Variants in RXRA observed in about 807,000 individuals in gnomAD.
The protein encoded by RXRA is retinoic acid receptor RXR-alpha.
Under a neutral mutation model 44.5 loss-of-function variants are expected in RXRA, and 5 were observed. The ratio of observed to expected loss-of-function variants is 0.11; its 90% CI spans 0.06 to 0.24. RXRA has a LOEUF of 0.24. Among genes scored for constraint, RXRA ranks in the 10% least tolerant of loss-of-function variants. RXRA has a pLI of 1.00. For synonymous variants in RXRA, 291 were observed against 271.4 expected (o/e 1.07, Z -0.71); for missense variants, 412 against 646.5 (o/e 0.64, Z 3.93).
At chr9:134,413,779 G>A (rs1021853804) in intron 4 of RXRA, among the ~76,000 whole-genome samples, 1 of 152,158 alleles carries the variant, frequency 6.6e-6, no homozygotes, top group African/African-American at 2.4e-5. Context: ...GCTTCTGAGG[G>A]GCTGCTGCAC....
intron 1 of RXRA, among the ~76,000 whole-genome samples, chr9:134,362,271 C>G (rs1830361448): frequency 1.3e-5 from 2 of 152,290 alleles, no homozygotes; most frequent in African/African-American, 4.8e-5. Context: ...TCCCAGCAAG[C>G]CTTGACCCTG....
intron 1 of RXRA, among the ~76,000 whole-genome samples, chr9:134,351,982 G>A (rs1202084951): frequency 3.9e-5 from 6 of 152,212 alleles, no homozygotes; most frequent in Non-Finnish European, 8.8e-5. Context: ...CCTGGGGGCT[G>A]AGGTTGAGAG....
chr9:134,344,015 G>A (rs1554748415), intron 1 of RXRA, among the ~76,000 whole-genome samples: 2 of 151,954 alleles, frequency 1.3e-5, no homozygotes, highest in Non-Finnish European at 2.9e-5. Context: ...CCCGGGGGCC[G>A]TGCCCTATGT....
At chr9:134,354,190 T>G (rs552712924) in intron 1 of RXRA, among the ~76,000 whole-genome samples, 2 of 152,082 alleles carry the variant, frequency 1.3e-5, no homozygotes, top group East Asian at 3.9e-4. Flanking sequence ...GGTGGATTGG[T>G]GATGTCTGCA....
At chr9:134,362,254 G>A (rs548914446) in intron 1 of RXRA, among the ~76,000 whole-genome samples, 82 of 152,268 alleles carry the variant, frequency 5.4e-4, no homozygotes, top group Middle Eastern at 3.4e-3. Flanking sequence ...TGTGCCCCTG[G>A]GGTAGCTCCC....
intron 1 of RXRA, among the ~76,000 whole-genome samples, chr9:134,335,380 G>A (rs1353736280): frequency 6.6e-6 from 1 of 152,232 alleles, no homozygotes. Context: ...GTAGGAGTTT[G>A]TTGGGTGGGA....
chr9:134,400,995 G>A (rs758624212), intron 1 of RXRA, among the ~76,000 whole-genome samples: 1 of 152,194 alleles, frequency 6.6e-6, no homozygotes, highest in Non-Finnish European at 1.5e-5. Flanking sequence ...GCTGGTTAGG[G>A]CCACAGACAT....
At chr9:134,363,706 G>A (rs955561760) in intron 1 of RXRA, among the ~76,000 whole-genome samples, 2 of 152,186 alleles carry the variant, frequency 1.3e-5, no homozygotes, top group Non-Finnish European at 2.9e-5. Context: ...AGCACTGCCT[G>A]TGCTGGCCAG....
chr9:134,420,576 C>A (rs976133996), intron 5 of RXRA, among the ~76,000 whole-genome samples: 2 of 152,250 alleles, frequency 1.3e-5, no homozygotes, highest in Non-Finnish European at 2.9e-5. Flanking sequence ...TCCCGCCGGG[C>A]GCTGCGTTTA....
intron 1 of RXRA, among the ~76,000 whole-genome samples, chr9:134,352,519 T>TCACCCGG (rs1830233900): frequency 6.6e-6 from 1 of 152,154 alleles, no homozygotes; most frequent in Non-Finnish European, 1.5e-5. Context: ...GCAGCAGTGG[T>TCACCCGG]CACCCGGCAG....
Position 134,429,101 on chromosome 9 carries a change from T to C in RXRA, c.911-7T>C. 1 of 1,612,792 alleles carries C rather than the reference T, an allele frequency of 6.2e-7. No homozygotes were observed. The highest frequency in any genetic ancestry group is 8.5e-7 in the Non-Finnish European group (1 of 1,179,894). ...GACAGCTGAGTGACTGTGTGCCTCC[T>C]CCCCAGGCTGGAATGAGCTGCTCAT... On this transcript the variant is annotated splice_region_variant and splice_polypyrimidine_tract_variant and intron_variant, in intron 6 of 9. Coordinates refer to ENST00000481739, the MANE Select transcript of RXRA (RefSeq NM_002957.6).
intron 1 of RXRA, among the ~76,000 whole-genome samples, chr9:134,380,954 G>A (rs1478689929): frequency 1.3e-5 from 2 of 152,216 alleles, no homozygotes; most frequent in Non-Finnish European, 2.9e-5. Flanking sequence ...GGTTCAGGGG[G>A]TGCCCCTCAC....
At chr9:134,413,265 G>T (rs370102321) in intron 4 of RXRA, among the ~76,000 whole-genome samples, 1 of 152,042 alleles carries the variant, frequency 6.6e-6, no homozygotes, top group Non-Finnish European at 1.5e-5. Flanking sequence ...GTGGGTGTGG[G>T]TGTGGTATGT....
At chr9:134,387,543 A>C (rs1190209889) in intron 1 of RXRA, among the ~76,000 whole-genome samples, 1 of 152,220 alleles carries the variant, frequency 6.6e-6, no homozygotes, top group African/African-American at 2.4e-5. Flanking sequence ...GTGGGCATTG[A>C]TGGATGCCAG....
intron 6 of RXRA, chr9:134,425,494 G>A (rs1032925191): frequency 5.1e-6 from 5 of 983,082 alleles, no homozygotes; most frequent in African/African-American, 3.5e-5. Context: ...CTGCTCCAGC[G>A]GGGTCGTCTG....
chr9:134,386,302 G>A (rs1033975101), intron 1 of RXRA, among the ~76,000 whole-genome samples: 2 of 152,254 alleles, frequency 1.3e-5, no homozygotes, highest in African/African-American at 4.8e-5. Flanking sequence ...GGGACCTCTC[G>A]CCTGCCCTCG....
chr9:134,379,197 C>T, intron 1 of RXRA: 1 of 885,480 alleles, frequency 1.1e-6, no homozygotes, highest in Non-Finnish European at 1.4e-6. Context: ...TCGGTTGGAC[C>T]TGCTTGTCCG....
Position 134,366,808 on chromosome 9 carries a change from G to A in RXRA, c.29-34824G>A, listed in dbSNP as rs1830420171. Reference sequence around the variant, plus strand: ...GTAGGCCACCCTAAGGTCCACAGATGCCTGGGGACAAGGATTAGTGTGAGC... The same window carrying A: ...GTAGGCCACCCTAAGGTCCACAGATACCTGGGGACAAGGATTAGTGTGAGC... On this transcript the variant is annotated intron_variant, in intron 1 of 9. Transcript: ENST00000481739. The surrounding 1 kb of genome is among the most constrained non-coding windows in gnomAD (Gnocchi z 5.9). Among the ~76,000 whole-genome samples the A allele has an allele frequency of 6.6e-6, 1 of 152,230 alleles. No individual in the cohort carries two copies. The highest frequency in any genetic ancestry group is 1.5e-5 in the Non-Finnish European group (1 of 68,042).
intron 1 of RXRA, among the ~76,000 whole-genome samples, chr9:134,368,652 GGT>G (rs1021126739): frequency 1.1e-4 from 16 of 150,582 alleles, no homozygotes; most frequent in African/African-American, 3.4e-4. Context: ...TGTGTGTGAG[GGT>G]GTGTGTGTGT....
Sources: gnomAD v4.1 joint callset for allele counts (sites outside exome capture counted in the v4.1 genomes callset) on GRCh38, gnomAD v4.1.1 for gene constraint, Gnocchi (gnomAD v3.1) non-coding constraint, MANE v1.5 for transcripts, NCBI Gene and HGNC (gene_info 2026-07-23, HGNC 2026-07-21) for gene names.